Variants in LRFN2 observed in about 807,000 individuals in gnomAD.
LRFN2 encodes the protein leucine-rich repeat and fibronectin type-III domain-containing protein 2.
A neutral mutation model predicts 37.3 loss-of-function variants in LRFN2; 18 were observed. The ratio of observed to expected loss-of-function variants is 0.48; its 90% CI spans 0.33 to 0.72. The LOEUF (loss-of-function observed/expected upper bound fraction) is 0.72, where lower values mean the gene tolerates loss of function less well. Ranked by LOEUF, LRFN2 falls within the 30% of genes least tolerant of loss-of-function variation. The probability of loss-of-function intolerance (pLI) is 0.02; values close to 1 mark genes in which losing one functional copy is unlikely to be tolerated. For missense variants in LRFN2, 1,006 were observed against 1,060.7 expected, an observed-to-expected ratio of 0.95 and a Z score of 0.72; for synonymous variants, 556 against 466.6, an observed-to-expected ratio of 1.19 and a Z score of -2.47.
chr6:40,566,843 C>G (rs902962822), intron 1 of LRFN2, among the ~76,000 whole-genome samples: 2 of 151,740 alleles, frequency 1.3e-5, no homozygotes, highest in African/African-American at 4.8e-5. Flanking sequence ...ATGTAACAAA[C>G]CTGCACATTG....
intron 2 of LRFN2, among the ~76,000 whole-genome samples, chr6:40,431,411 A>G (rs1322262810): frequency 6.6e-6 from 1 of 152,222 alleles, no homozygotes; most frequent in African/African-American, 2.4e-5. Flanking sequence ...AACTGGGCTT[A>G]GAACAGAACA....
intron 2 of LRFN2, among the ~76,000 whole-genome samples, chr6:40,426,022 C>T (rs929914826): frequency 1.3e-5 from 2 of 152,124 alleles, no homozygotes; most frequent in Non-Finnish European, 2.9e-5. Flanking sequence ...CTGTCAATGG[C>T]CTATGTCCAG....
intron 1 of LRFN2, chr6:40,517,185 A>T (rs945763960): frequency 2.0e-5 from 3 of 152,190 alleles, no homozygotes; most frequent in Non-Finnish European, 4.4e-5. Context: ...ACCAAAGATT[A>T]CCAAGTGCCT....
At chr6:40,505,463 C>A (rs1253456690) in intron 1 of LRFN2, among the ~76,000 whole-genome samples, 1 of 152,160 alleles carries the variant, frequency 6.6e-6, no homozygotes, top group African/African-American at 2.4e-5. Context: ...CCGCAAATAA[C>A]CATTTGCATG....
chr6:40,505,302 C>T (rs879723927), intron 1 of LRFN2, among the ~76,000 whole-genome samples: 14 of 152,174 alleles, frequency 9.2e-5, no homozygotes, highest in Non-Finnish European at 1.5e-4. Context: ...CGTGCGTGCT[C>T]GTTTGCTTTT....
At position 40,454,949 on chromosome 6, in the gene LRFN2, C is replaced by T. The variant is rs570148020; in HGVS notation, c.-18-21818G>A. Among the ~76,000 whole-genome samples, 19 of 152,186 alleles carry T rather than the reference C, an allele frequency of 1.2e-4. 2 individuals are homozygous for T. The East Asian group carries it at 2.3e-3, about 19-fold the overall frequency. ...CATCTATTTATCTTCTATATGCTGTCGATGTATAAGCCAGAAATTTTTTGA... is the reference window on the plus strand; with the variant it reads ...CATCTATTTATCTTCTATATGCTGTTGATGTATAAGCCAGAAATTTTTTGA... On this transcript the variant is annotated intron_variant, in intron 1 of 2. Coordinates refer to ENST00000338305, the MANE Select transcript of LRFN2 (RefSeq NM_020737.3).
chr6:40,405,404 G>A (rs2113800253), intron 2 of LRFN2, among the ~76,000 whole-genome samples: 1 of 152,258 alleles, frequency 6.6e-6, no homozygotes, highest in African/African-American at 2.4e-5. Context: ...TCCCCTTTCT[G>A]TAAAATGGGG....
At chr6:40,482,473 C>T (rs556473527) in intron 1 of LRFN2, among the ~76,000 whole-genome samples, 4 of 152,210 alleles carry the variant, frequency 2.6e-5, no homozygotes, top group African/African-American at 4.8e-5. Flanking sequence ...GACACACCCC[C>T]ACCTGCCTGC....
At chr6:40,433,586 G>A (rs1763569739) in intron 1 of LRFN2, among the ~76,000 whole-genome samples, 1 of 152,190 alleles carries the variant, frequency 6.6e-6, no homozygotes, top group Admixed American at 6.5e-5. Context: ...CAATAATTGA[G>A]TTTGAAAGGA....
intron 2 of LRFN2, among the ~76,000 whole-genome samples, chr6:40,416,913 G>T (rs900691789): frequency 6.6e-6 from 1 of 152,164 alleles, no homozygotes; most frequent in African/African-American, 2.4e-5. Flanking sequence ...TTTTAAACAG[G>T]GTTCTGTTCT....
chr6:40,394,633 G>A (rs1762576903), intron 2 of LRFN2, among the ~76,000 whole-genome samples: 1 of 152,106 alleles, frequency 6.6e-6, no homozygotes, highest in African/African-American at 2.4e-5. Flanking sequence ...GGAGGAAATT[G>A]AGCCCCCAAG....
At chr6:40,421,073 G>A (rs1394583373) in intron 2 of LRFN2, among the ~76,000 whole-genome samples, 1 of 152,186 alleles carries the variant, frequency 6.6e-6, no homozygotes, top group Non-Finnish European at 1.5e-5. Context: ...CTCCTCTGTG[G>A]ATAGGCCACA....
At chr6:40,415,073 A>T (rs1581687499) in intron 2 of LRFN2, among the ~76,000 whole-genome samples, 2 of 152,280 alleles carry the variant, frequency 1.3e-5, no homozygotes, top group East Asian at 1.9e-4. Context: ...AGACATCACA[A>T]AACCTGCACA....
At chr6:40,498,855 A>T (rs1765301322) in intron 1 of LRFN2, among the ~76,000 whole-genome samples, 1 of 152,208 alleles carries the variant, frequency 6.6e-6, no homozygotes, top group Admixed American at 6.5e-5. Flanking sequence ...CTACACAAAC[A>T]TTTAAATAGT....
chr6:40,403,453 C>T (rs887563588), intron 2 of LRFN2, among the ~76,000 whole-genome samples: 7 of 152,118 alleles, frequency 4.6e-5, no homozygotes, highest in African/African-American at 1.4e-4. Context: ...GGCCTCTGTC[C>T]CTGTTCTTCT....
At chr6:40,497,076 A>G (rs1765245772) in intron 1 of LRFN2, among the ~76,000 whole-genome samples, 1 of 152,178 alleles carries the variant, frequency 6.6e-6, no homozygotes, top group Non-Finnish European at 1.5e-5. Flanking sequence ...GCTCTGCCAA[A>G]ACAGGCATGC....
At chr6:40,476,412 C>T (rs1287444337) in intron 1 of LRFN2, among the ~76,000 whole-genome samples, 2 of 152,232 alleles carry the variant, frequency 1.3e-5, no homozygotes, top group African/African-American at 4.8e-5. Context: ...CCCAACCTCA[C>T]TGTAAGAAAG....
Position 40,480,497 on chromosome 6 carries a change from C to A in LRFN2, c.-18-47366G>T, listed in dbSNP as rs548652372. ...CTTACTATGTTGCCCAGGCTGGTCA[C>A]GACCTCCTGGGTTCAATGAATCCTC... On this transcript the variant is annotated intron_variant, in intron 1 of 2. Transcript: ENST00000338305. Among the ~76,000 whole-genome samples, 5 of 152,196 alleles carry A rather than the reference C, an allele frequency of 3.3e-5. No homozygotes were observed. In the South Asian group the frequency reaches 1.0e-3, roughly 32 times the overall value.
chr6:40,575,698 AC>A (rs1481638021), intron 1 of LRFN2, among the ~76,000 whole-genome samples: 1 of 151,304 alleles, frequency 6.6e-6, no homozygotes, highest in East Asian at 2.0e-4. Flanking sequence ...AAGCCATCCC[AC>A]CCCATCCCCA....
Sources: allele counts gnomAD v4.1 joint callset (sites outside exome capture counted in the v4.1 genomes callset), GRCh38; gene constraint gnomAD v4.1.1; transcripts MANE v1.5; gene names NCBI Gene and HGNC (gene_info 2026-07-23, HGNC 2026-07-21).